Variants in KCNT2 observed in about 807,000 individuals in gnomAD.
KCNT2 encodes the protein potassium channel subfamily T member 2.
A neutral mutation model predicts 153.8 loss-of-function variants in KCNT2; 67 were observed. The ratio of observed to expected loss-of-function variants is 0.44; its 90% CI spans 0.36 to 0.53. The LOEUF (loss-of-function observed/expected upper bound fraction) is 0.53, where lower values mean the gene tolerates loss of function less well. KCNT2 is among the 20% of genes least tolerant of loss of function. The pLI, the probability that KCNT2 is intolerant of heterozygous loss-of-function variation, is 0.00. For synonymous variants in KCNT2, 500 were observed against 458.8 expected, an observed-to-expected ratio of 1.09 and a Z score of -1.15; for missense variants, 975 against 1,354.8, an observed-to-expected ratio of 0.72 and a Z score of 4.40.
intron 6 of KCNT2, 104 bp downstream of exon 6, chr1:196,468,890 A>T (rs924455764): frequency 1.1e-5 from 8 of 723,538 alleles, no homozygotes; most frequent in Non-Finnish European, 1.9e-5. Flanking sequence ...CAAAGTCTAA[A>T]TCCATTTATC....
intron 1 of KCNT2, among the ~76,000 whole-genome samples, chr1:196,566,413 A>G (rs1406373313): frequency 6.6e-6 from 1 of 152,086 alleles, no homozygotes; most frequent in African/African-American, 2.4e-5. Context: ...AGGAATGGGG[A>G]TACACAATAA....
chr1:196,462,354 A>G (rs977441851), intron 8 of KCNT2, among the ~76,000 whole-genome samples: 2 of 151,696 alleles, frequency 1.3e-5, no homozygotes, highest in African/African-American at 4.8e-5. Flanking sequence ...CGATGCTACC[A>G]TTATCTTTAA....
intron 18 of KCNT2, among the ~76,000 whole-genome samples, chr1:196,330,890 G>A (rs1246216537): frequency 6.6e-6 from 1 of 151,958 alleles, no homozygotes; most frequent in Non-Finnish European, 1.5e-5. Flanking sequence ...TCATAGGGAT[G>A]AGATTTGGTA....
intron 1 of KCNT2, among the ~76,000 whole-genome samples, chr1:196,530,530 T>C (rs1228105939): frequency 6.6e-6 from 1 of 151,936 alleles, no homozygotes; most frequent in Non-Finnish European, 1.5e-5. Context: ...CCAAAAACCA[T>C]TGTGATTTGA....
At chr1:196,307,126 G>A (rs565370594) in intron 21 of KCNT2, among the ~76,000 whole-genome samples, 203 of 152,080 alleles carry the variant, frequency 1.3e-3, no homozygotes, top group African/African-American at 4.5e-3. Context: ...CAATAGTTCT[G>A]TGACCTTAAA....
At chr1:196,353,262 T>A (rs937696292) in intron 14 of KCNT2, among the ~76,000 whole-genome samples, 1 of 151,948 alleles carries the variant, frequency 6.6e-6, no homozygotes, top group African/African-American at 2.4e-5. Context: ...CAGGCAGACA[T>A]CCTATTTTCC....
At chr1:196,563,438 CA>C (rs1157847804) in intron 1 of KCNT2, among the ~76,000 whole-genome samples, 170 of 59,200 alleles carry the variant, frequency 2.9e-3, no homozygotes, top group Middle Eastern at 0.016. Flanking sequence ...TCCCCAATAA[CA>C]AAAAAAAAAA....
At chr1:196,536,716 C>T (rs550570163) in intron 1 of KCNT2, among the ~76,000 whole-genome samples, 1 of 152,262 alleles carries the variant, frequency 6.6e-6, no homozygotes, top group African/African-American at 2.4e-5. Context: ...GCACCCATCT[C>T]GCCACTGGGT....
In KCNT2 at chr1:196,331,342, T is replaced by C. The variant is rs1229517881; in HGVS notation, c.1998-81A>G. ...AAGTTACGACCATGTTCCTCTGTTT[T>C]AATAACATTATAATCAATACCTCTG... On this transcript the variant is annotated intron_variant, in intron 17 of 27. Transcript: ENST00000294725. The C allele has an allele frequency of 3.9e-6, 3 of 776,370 alleles. No individual in the cohort carries two copies. In the South Asian group the frequency reaches 4.2e-5, roughly 11 times the overall value. 48.1% of individuals were successfully genotyped at this position (776,370 alleles called of 1,614,324 possible).
At chr1:196,529,145 AT>A (rs1194237083) in intron 1 of KCNT2, among the ~76,000 whole-genome samples, 3 of 152,172 alleles carry the variant, frequency 2.0e-5, no homozygotes, top group Non-Finnish European at 4.4e-5. Context: ...TAACTTAAAA[AT>A]AAATGCGAAA....
chr1:196,543,166 T>C (rs78776316), intron 1 of KCNT2, among the ~76,000 whole-genome samples: 3,280 of 152,214 alleles, frequency 0.022, 119 homozygotes, highest in African/African-American at 0.074. Flanking sequence ...TTTACTAGAG[T>C]TAAGCTTTAT....
chr1:196,236,374 GGATAA>G (rs1654437949), intron 26 of KCNT2, among the ~76,000 whole-genome samples: 1 of 151,262 alleles, frequency 6.6e-6, no homozygotes, highest in South Asian at 2.1e-4. Flanking sequence ...ATAAATGACT[GGATAA>G]GATGTTTACT....
intron 5 of KCNT2, among the ~76,000 whole-genome samples, chr1:196,474,473 G>T (rs1460531477): frequency 6.6e-6 from 1 of 152,136 alleles, no homozygotes; most frequent in African/African-American, 2.4e-5. Context: ...TTCAGAACAA[G>T]ATAAGCAGAA....
At position 196,479,319 on chromosome 1, in the gene KCNT2, T is replaced by A. The variant is rs1472835360; in HGVS notation, c.325-81A>T. The A allele has an allele frequency of 5.0e-6, 4 of 803,286 alleles. No homozygotes were observed. The East Asian group carries it at 8.0e-5, about 16-fold the overall frequency. 49.8% of individuals were successfully genotyped at this position (803,286 alleles called of 1,614,324 possible). A position where few individuals can be genotyped will look rare whatever the true frequency, so the allele number is the denominator to read the frequency against. On this transcript the variant is annotated intron_variant, in intron 4 of 27. Coordinates refer to ENST00000294725, the MANE Select transcript of KCNT2 (RefSeq NM_198503.5). ...TTCTTGGCTATACTACTAACTTTAT[T>A]TAAATATATGTGCATGTATACATAT...
chr1:196,334,146 T>C, intron 16 of KCNT2, 86 bp from the exon 17 acceptor site: 1 of 740,974 alleles, frequency 1.3e-6, no homozygotes, highest in Non-Finnish European at 2.3e-6. Flanking sequence ...TGAAATATAA[T>C]AAACACAATA....
intron 1 of KCNT2, among the ~76,000 whole-genome samples, chr1:196,546,791 G>C (rs1244074352): frequency 6.6e-6 from 1 of 151,940 alleles, no homozygotes; most frequent in Non-Finnish European, 1.5e-5. Context: ...TATTATTGAA[G>C]AAAATTGGAC....
chr1:196,251,087 A>T (rs1374881205), intron 26 of KCNT2, among the ~76,000 whole-genome samples: 1 of 152,108 alleles, frequency 6.6e-6, no homozygotes, highest in Admixed American at 6.6e-5. Flanking sequence ...AACTAAAAAC[A>T]TAACTACCAT....
chr1:196,349,950 G>A (rs538234264), intron 14 of KCNT2, among the ~76,000 whole-genome samples: 1 of 151,744 alleles, frequency 6.6e-6, no homozygotes, highest in Non-Finnish European at 1.5e-5. Flanking sequence ...GAGTGAGAAC[G>A]TGTGGTATTT....
At chr1:196,453,201 G>T (rs1676370538) in intron 8 of KCNT2, among the ~76,000 whole-genome samples, 1 of 151,754 alleles carries the variant, frequency 6.6e-6, no homozygotes, top group Non-Finnish European at 1.5e-5. Context: ...TCAGCAGAAG[G>T]CACGCCAGAG....
Sources: gnomAD v4.1 joint callset for allele counts (sites outside exome capture counted in the v4.1 genomes callset) on GRCh38, gnomAD v4.1.1 for gene constraint, MANE v1.5 for transcripts, NCBI Gene and HGNC (gene_info 2026-07-23, HGNC 2026-07-21) for gene names.